The following KCNJ6 variants were observed in gnomAD, a reference collection of about 807,000 sequenced individuals.
KCNJ6 encodes the protein G protein-activated inward rectifier potassium channel 2.
In KCNJ6, 9 loss-of-function variants were observed where a neutral mutation model predicts 34.2. The ratio of observed to expected loss-of-function variants is 0.26; its 90% CI spans 0.16 to 0.46. KCNJ6 has a LOEUF of 0.46. KCNJ6 is among the 20% of genes least tolerant of loss of function. The pLI, the probability that KCNJ6 is intolerant of heterozygous loss-of-function variation, is 1.00. For missense variants in KCNJ6, 236 were observed against 531.3 expected (o/e 0.44, Z 5.46); for synonymous variants, 196 against 207.1 (o/e 0.95, Z 0.46).
intron 2 of KCNJ6, among the ~76,000 whole-genome samples, chr21:37,762,883 C>T (rs774502620): frequency 1.9e-4 from 29 of 152,226 alleles, no homozygotes; most frequent in Non-Finnish European, 3.8e-4. Context: ...CACGCCCCAG[C>T]TGTTCCTAAT....
intron 3 of KCNJ6, among the ~76,000 whole-genome samples, chr21:37,644,269 T>C (rs2054393815): frequency 6.6e-6 from 1 of 152,072 alleles, no homozygotes; most frequent in Non-Finnish European, 1.5e-5. Context: ...AAATAACCAA[T>C]GGGTGTTAGG....
At chr21:37,798,898 C>T (rs970014002) in intron 2 of KCNJ6, among the ~76,000 whole-genome samples, 3 of 151,958 alleles carry the variant, frequency 2.0e-5, no homozygotes, top group Non-Finnish European at 2.9e-5. Flanking sequence ...GTGAATCGTA[C>T]GGCATGTGAA....
intron 1 of KCNJ6, among the ~76,000 whole-genome samples, chr21:37,878,264 AT>A (rs11450480): frequency 0.012 from 1,819 of 149,100 alleles, 21 homozygotes; most frequent in Middle Eastern, 0.034. Context: ...CATTTGTGGG[AT>A]TTTTTTTTTT....
At chr21:37,710,826 T>C (rs2054747969) in intron 3 of KCNJ6, among the ~76,000 whole-genome samples, 1 of 152,230 alleles carries the variant, frequency 6.6e-6, no homozygotes, top group East Asian at 1.9e-4. Context: ...AAATCGCCCA[T>C]GTGTCAGGAA....
At chr21:37,841,046 G>C (rs2123578662) in intron 1 of KCNJ6, among the ~76,000 whole-genome samples, 1 of 151,812 alleles carries the variant, frequency 6.6e-6, no homozygotes, top group Non-Finnish European at 1.5e-5. Flanking sequence ...TTTCCTCTCT[G>C]TTTCCCCCCA....
At chr21:37,905,053 G>A (rs1024344761) in intron 1 of KCNJ6, among the ~76,000 whole-genome samples, 3 of 152,182 alleles carry the variant, frequency 2.0e-5, no homozygotes, top group African/African-American at 4.8e-5. Flanking sequence ...AGCCACGTGC[G>A]CTCCCTCTGG....
Position 37,908,154 on chromosome 21 carries a change from T to A in KCNJ6, c.-28+7730A>T, listed in dbSNP as rs144769558. Reference sequence around the variant, plus strand: ...ATCTGAGTTAGGGAAATGGAAACGATGTAAGAGAACCGGAAGTATTATGGA... The same window carrying A: ...ATCTGAGTTAGGGAAATGGAAACGAAGTAAGAGAACCGGAAGTATTATGGA... On this transcript the variant is annotated intron_variant, in intron 1 of 3. Transcript: ENST00000609713. Among the ~76,000 whole-genome samples, 157 of 152,376 alleles carry A rather than the reference T, an allele frequency of 1.0e-3. 1 individual carries two copies. Among genetic ancestry groups the A allele is most frequent in the African/African-American group, 3.6e-3 (150 of 41,594 alleles).
chr21:37,907,250 C>A (rs1176933016), intron 1 of KCNJ6, among the ~76,000 whole-genome samples: 1 of 152,178 alleles, frequency 6.6e-6, no homozygotes, highest in Non-Finnish European at 1.5e-5. Context: ...TGTGATGCTG[C>A]TTAGTCATAT....
At chr21:37,864,857 A>G (rs58775811) in intron 1 of KCNJ6, among the ~76,000 whole-genome samples, 2,234 of 147,104 alleles carry the variant, frequency 0.015, 55 homozygotes, top group African/African-American at 0.053. Flanking sequence ...CATTCTCCCC[A>G]TCTGTCTCTC....
intron 2 of KCNJ6, among the ~76,000 whole-genome samples, chr21:37,740,158 G>A (rs950779840): frequency 6.6e-6 from 1 of 152,236 alleles, no homozygotes; most frequent in African/African-American, 2.4e-5. Flanking sequence ...AAATTTGAAC[G>A]CCCCCCAACC....
intron 3 of KCNJ6, among the ~76,000 whole-genome samples, chr21:37,655,179 T>TTGTGTGTGTG (rs369378573): frequency 4.2e-5 from 1 of 23,992 alleles, no homozygotes; most frequent in African/African-American, 1.7e-4. Flanking sequence ...CTCTAGACAT[T>TTGTGTGTGTG]TGTGTGTGTG....
At chr21:37,849,477 C>T (rs570944824) in intron 1 of KCNJ6, among the ~76,000 whole-genome samples, 2 of 152,252 alleles carry the variant, frequency 1.3e-5, no homozygotes, top group African/African-American at 4.8e-5. Flanking sequence ...CCTTTCTTTC[C>T]CCTTTACTTT....
At chr21:37,701,855 G>A (rs1384986649) in intron 3 of KCNJ6, among the ~76,000 whole-genome samples, 1 of 152,120 alleles carries the variant, frequency 6.6e-6, no homozygotes, top group Non-Finnish European at 1.5e-5. Context: ...GGATCTTATA[G>A]GCCAAAGATT....
At chr21:37,868,256 C>A (rs1350308196) in intron 1 of KCNJ6, among the ~76,000 whole-genome samples, 1 of 152,184 alleles carries the variant, frequency 6.6e-6, no homozygotes, top group Non-Finnish European at 1.5e-5. Flanking sequence ...CTAGCGAGAT[C>A]ATTACTGCAA....
intron 3 of KCNJ6, among the ~76,000 whole-genome samples, chr21:37,680,387 A>G (rs2054585392): frequency 6.6e-6 from 1 of 152,134 alleles, no homozygotes; most frequent in African/African-American, 2.4e-5. Context: ...CAGTTGACCA[A>G]CGAACTCTCG....
intron 1 of KCNJ6, among the ~76,000 whole-genome samples, chr21:37,895,446 G>C (rs2055783072): frequency 1.3e-5 from 2 of 152,208 alleles, no homozygotes; most frequent in Non-Finnish European, 2.9e-5. Context: ...GTTTCTGGCT[G>C]AAGATGACAT....
intron 2 of KCNJ6, among the ~76,000 whole-genome samples, chr21:37,730,013 C>T (rs1485015303): frequency 6.6e-6 from 1 of 152,208 alleles, no homozygotes; most frequent in Non-Finnish European, 1.5e-5. Flanking sequence ...ACCTTGGGAT[C>T]CTAGGCTGTC....
intron 2 of KCNJ6, among the ~76,000 whole-genome samples, chr21:37,784,472 C>A (rs555146679): frequency 7.5e-4 from 115 of 152,320 alleles, no homozygotes; most frequent in African/African-American, 2.6e-3. Flanking sequence ...TCATGTCCAC[C>A]TAGAACCTCA....
At chr21:37,662,406 C>A (rs1601408750) in intron 3 of KCNJ6, among the ~76,000 whole-genome samples, 1 of 152,184 alleles carries the variant, frequency 6.6e-6, no homozygotes, top group Non-Finnish European at 1.5e-5. Flanking sequence ...TTCCATTATT[C>A]CAGCTTCATC....
Sources: gnomAD v4.1 joint callset for allele counts (sites outside exome capture counted in the v4.1 genomes callset) on GRCh38, gnomAD v4.1.1 for gene constraint, MANE v1.5 for transcripts, NCBI Gene and HGNC (gene_info 2026-07-23, HGNC 2026-07-21) for gene names.